TBC1D19: variants seen among roughly 807,000 people sequenced by gnomAD.
TBC1D19 encodes the protein TBC1 domain family member 19.
Under a neutral mutation model 89.0 loss-of-function variants are expected in TBC1D19, and 60 were observed. The observed-to-expected ratio is 0.67, with a 90% CI of 0.55 to 0.84. TBC1D19 has a LOEUF of 0.84. Ranked by LOEUF, TBC1D19 falls within the 40% of genes least tolerant of loss-of-function variation. The probability of loss-of-function intolerance (pLI) is 0.00; values close to 1 mark genes in which losing one functional copy is unlikely to be tolerated. For missense variants in TBC1D19, 500 were observed against 610.8 expected (o/e 0.82, Z 1.91); for synonymous variants, 189 against 199.7 (o/e 0.95, Z 0.45).
intron 1 of TBC1D19, among the ~76,000 whole-genome samples, chr4:26,596,116 C>G (rs1034824866): frequency 3.9e-5 from 6 of 152,008 alleles, no homozygotes; most frequent in Non-Finnish European, 5.9e-5. Flanking sequence ...GCTACCATGC[C>G]TGGCTAATTT....
At chr4:26,729,574 T>C (rs371466113) in intron 15 of TBC1D19, among the ~76,000 whole-genome samples, 1 of 152,172 alleles carries the variant, frequency 6.6e-6, no homozygotes, top group East Asian at 1.9e-4. Flanking sequence ...TAGTAAGGTT[T>C]TGATGGCTAA....
At chr4:26,773,044 A>G in the TBC1D19 span, among the ~76,000 whole-genome samples, 2 of 152,184 alleles carry the variant, frequency 1.3e-5, no homozygotes, top group Non-Finnish European at 2.9e-5. Context: ...TCACCACACT[A>G]TCTTCCACAG....
At chr4:26,719,163 A>C (rs927811122) in intron 14 of TBC1D19, among the ~76,000 whole-genome samples, 3 of 152,096 alleles carry the variant, frequency 2.0e-5, no homozygotes, top group African/African-American at 7.2e-5. Flanking sequence ...CACATGGTTG[A>C]GAGAACATAT....
chr4:26,637,119 A>G (rs1170164209), intron 4 of TBC1D19, 92 bp from the exon 5 acceptor site: 7 of 907,010 alleles, frequency 7.7e-6, no homozygotes, highest in Non-Finnish European at 1.2e-5. Context: ...AACCAGCCTT[A>G]CCATTTCTAT....
chr4:26,854,712 C>T, the TBC1D19 span, among the ~76,000 whole-genome samples: 1 of 145,122 alleles, frequency 6.9e-6, no homozygotes, highest in Non-Finnish European at 1.5e-5. Flanking sequence ...TGGTTAATGC[C>T]TTGAATCTCC....
intron 20 of TBC1D19, 83 bp downstream of exon 20, chr4:26,753,973 A>G (rs1229972990): frequency 6.9e-7 from 1 of 1,455,310 alleles, no homozygotes; most frequent in African/African-American, 1.4e-5. Flanking sequence ...GTTGCATAGG[A>G]CACGCGTTAC....
At chr4:26,802,217 G>T in the TBC1D19 span, among the ~76,000 whole-genome samples, 1 of 152,102 alleles carries the variant, frequency 6.6e-6, no homozygotes, top group Non-Finnish European at 1.5e-5. Flanking sequence ...CATCTACATG[G>T]GAATAGCTGA....
At chr4:26,846,307 A>G in the TBC1D19 span, among the ~76,000 whole-genome samples, 2 of 152,304 alleles carry the variant, frequency 1.3e-5, no homozygotes, top group East Asian at 3.9e-4. Flanking sequence ...TGCCATAATT[A>G]TATTTTTAAA....
intron 1 of TBC1D19, among the ~76,000 whole-genome samples, chr4:26,603,788 A>T (rs1022628878): frequency 1.3e-5 from 2 of 152,232 alleles, no homozygotes; most frequent in African/African-American, 4.8e-5. Flanking sequence ...AAATAAAGTG[A>T]ACAAATTTTT....
intron 1 of TBC1D19, among the ~76,000 whole-genome samples, chr4:26,591,363 G>T (rs908474329): frequency 4.6e-5 from 7 of 151,974 alleles, no homozygotes; most frequent in African/African-American, 1.7e-4. Context: ...AGGGAGCTGA[G>T]ATCGCACCAC....
At chr4:26,617,824 T>A (rs1251210481) in intron 3 of TBC1D19, among the ~76,000 whole-genome samples, 1 of 152,226 alleles carries the variant, frequency 6.6e-6, no homozygotes, top group Admixed American at 6.5e-5. Context: ...CTTAACAATC[T>A]TATTCTATAT....
At chr4:26,799,318 T>C in the TBC1D19 span, among the ~76,000 whole-genome samples, 2 of 151,922 alleles carry the variant, frequency 1.3e-5, no homozygotes, top group Admixed American at 1.3e-4. Context: ...GCCTGGGTGA[T>C]GAAGCAAGAC....
chr4:26,762,388 G>A, the TBC1D19 span, among the ~76,000 whole-genome samples: 1 of 152,048 alleles, frequency 6.6e-6, no homozygotes. Context: ...TCTTAGATAT[G>A]TAGTGTACAT....
chr4:26,757,659 A>T (rs1440732430), downstream of TBC1D19, among the ~76,000 whole-genome samples: 1 of 152,184 alleles, frequency 6.6e-6, no homozygotes, highest in Non-Finnish European at 1.5e-5. Flanking sequence ...AACACCCCAT[A>T]CTCAGCATGT....
intron 15 of TBC1D19, among the ~76,000 whole-genome samples, chr4:26,733,790 TA>T (rs1050009333): frequency 1.3e-5 from 2 of 152,180 alleles, no homozygotes; most frequent in African/African-American, 2.4e-5. Context: ...GTAATAGGGA[TA>T]AAAATATAAC....
chr4:26,735,690 A>G (rs2109306178), intron 16 of TBC1D19, among the ~76,000 whole-genome samples: 1 of 152,300 alleles, frequency 6.6e-6, no homozygotes, highest in South Asian at 2.1e-4. Flanking sequence ...AAATTGAACA[A>G]AAAGAACACC....
rs766140961 is a variant in TBC1D19, at chr4:26,720,078, T to C, written c.1040-3T>C. On this transcript the variant is annotated splice_region_variant and splice_polypyrimidine_tract_variant and intron_variant, in intron 14 of 20. Transcript: ENST00000264866. ...TGAAATCCTCTATGGTTTTCTCTTA[T>C]AGGAAAACTAGGACTGGAAGAATAT... The C allele has an allele frequency of 1.3e-5, 21 of 1,597,568 alleles. No individual in the cohort carries two copies. The Middle Eastern group carries it at 1.5e-3, about 118-fold the overall frequency.
At chr4:26,666,209 A>G (rs1213405964) in intron 8 of TBC1D19, 124 bp from the exon 9 acceptor site, 2 of 685,790 alleles carry the variant, frequency 2.9e-6, no homozygotes, top group Non-Finnish European at 2.4e-6. Flanking sequence ...AGGTATTTGA[A>G]TAAAGCAAAG....
intron 1 of TBC1D19, among the ~76,000 whole-genome samples, chr4:26,600,161 A>G (rs937769325): frequency 6.6e-6 from 1 of 152,134 alleles, no homozygotes; most frequent in Non-Finnish European, 1.5e-5. Context: ...ATAGAATTGC[A>G]AAAGGAAGGA....
Sources: allele counts gnomAD v4.1 joint callset (sites outside exome capture counted in the v4.1 genomes callset), GRCh38; gene constraint gnomAD v4.1.1; transcripts MANE v1.5; gene names NCBI Gene and HGNC (gene_info 2026-07-23, HGNC 2026-07-21).